Variants in RBFOX1 observed in about 807,000 individuals in gnomAD.
RBFOX1 encodes RNA binding fox-1 homolog 1.
A neutral mutation model predicts 57.7 loss-of-function variants in RBFOX1; 8 were observed. That is an observed-to-expected ratio of 0.14 (90% confidence interval 0.08 to 0.25). The LOEUF is 0.25. Ranked by LOEUF, RBFOX1 falls within the 10% of genes least tolerant of loss-of-function variation. RBFOX1 has a pLI of 1.00. For synonymous variants in RBFOX1, 326 were observed against 222.4 expected, an observed-to-expected ratio of 1.47 and a Z score of -4.15; for missense variants, 611 against 548.5, an observed-to-expected ratio of 1.11 and a Z score of -1.14.
At chr16:5,445,763 C>A (rs974373546) in intron 1 of RBFOX1, among the ~76,000 whole-genome samples, 1 of 152,162 alleles carries the variant, frequency 6.6e-6, no homozygotes, top group Non-Finnish European at 1.5e-5. Context: ...GGATCATTGC[C>A]ACTAAATTTT....
intron 2 of RBFOX1, among the ~76,000 whole-genome samples, chr16:6,447,972 A>G (rs2094517735): frequency 9.6e-6 from 1 of 104,372 alleles, no homozygotes; most frequent in African/African-American, 4.0e-5. Context: ...GATATTTCAG[A>G]CAAGAGTCTC....
chr16:6,659,443 C>G (rs191575495), intron 3 of RBFOX1, among the ~76,000 whole-genome samples: 2 of 152,190 alleles, frequency 1.3e-5, no homozygotes, highest in African/African-American at 2.4e-5. Context: ...CTGAACTCAT[C>G]TTTTTACAAT....
chr16:7,651,077 T>G (rs1411075134), intron 11 of RBFOX1, among the ~76,000 whole-genome samples: 1 of 152,102 alleles, frequency 6.6e-6, no homozygotes, highest in Non-Finnish European at 1.5e-5. Flanking sequence ...ATAAAAAAAG[T>G]TAAAAATAAC....
intron 4 of RBFOX1, among the ~76,000 whole-genome samples, chr16:7,483,532 C>T (rs368534179): frequency 1.4e-3 from 217 of 152,262 alleles, no homozygotes; most frequent in African/African-American, 4.7e-3. Context: ...CCAGACCTTT[C>T]CTGGGATGCC....
At position 7,518,217 on chromosome 16, in the gene RBFOX1, C is replaced by T. The variant is rs750747492; in HGVS notation, c.98C>T (p.Pro33Leu). ...TACGCTTCGGCCCAGTTTGCTCCCC[C>T]GCAGAACGGTATCCCCGCGGAATAC... ...QPYASAQFAP[P>L]QNGIPAEYTA... Residue 33 changes from proline to leucine, a missense_variant, in exon 5 of 16, where the codon CCG (proline) becomes CTG (leucine). This residue lies in a region of RBFOX1 where 245 missense variants were observed against 159.1 expected (regional missense o/e 1.54). Coordinates refer to ENST00000550418, the MANE Select transcript of RBFOX1 (RefSeq NM_018723.4). 2 of 1,614,112 alleles carry T rather than the reference C, an allele frequency of 1.2e-6. No individual in the cohort carries two copies. The highest frequency in any genetic ancestry group is 8.5e-7 in the Non-Finnish European group (1 of 1,180,006).
At chr16:7,208,311 C>T (rs2090415017) in intron 4 of RBFOX1, among the ~76,000 whole-genome samples, 1 of 152,162 alleles carries the variant, frequency 6.6e-6, no homozygotes, top group Non-Finnish European at 1.5e-5. Flanking sequence ...TCTTAGTTCA[C>T]TTGTGTTTCA....
intron 2 of RBFOX1, among the ~76,000 whole-genome samples, chr16:6,536,106 T>A (rs1318227774): frequency 6.6e-6 from 1 of 152,198 alleles, no homozygotes; most frequent in Non-Finnish European, 1.5e-5. Flanking sequence ...TACCAATGCT[T>A]AGTAAGTATT....
intron 3 of RBFOX1, among the ~76,000 whole-genome samples, chr16:7,033,971 A>G (rs995232316): frequency 9.2e-5 from 14 of 152,172 alleles, no homozygotes; most frequent in African/African-American, 3.4e-4. Flanking sequence ...CCTGTCTAAA[A>G]TGTCTAAAAT....
At chr16:7,579,105 A>G (rs1342076275) in intron 5 of RBFOX1, among the ~76,000 whole-genome samples, 1 of 152,212 alleles carries the variant, frequency 6.6e-6, no homozygotes, top group Non-Finnish European at 1.5e-5. Flanking sequence ...GCTAATGCAA[A>G]CAAAGTTAAA....
chr16:6,522,337 T>G (rs2096518208), intron 2 of RBFOX1, among the ~76,000 whole-genome samples: 1 of 152,160 alleles, frequency 6.6e-6, no homozygotes, highest in African/African-American at 2.4e-5. Flanking sequence ...TGATATTTGT[T>G]AAAATATTGA....
chr16:5,610,154 G>A (rs2047723952), intron 3 of RBFOX1: 2 of 152,130 alleles, frequency 1.3e-5, no homozygotes, highest in African/African-American at 2.4e-5. Context: ...TATGCCAGCA[G>A]TCTGTCCCGT....
chr16:6,860,970 G>A (rs191609023), intron 3 of RBFOX1, among the ~76,000 whole-genome samples: 2 of 152,054 alleles, frequency 1.3e-5, no homozygotes, highest in African/African-American at 4.8e-5. Flanking sequence ...ATGGTAAAAC[G>A]AGATAGAGCT....
chr16:5,893,001 C>T (rs1242273608), intron 4 of RBFOX1, among the ~76,000 whole-genome samples: 1 of 152,164 alleles, frequency 6.6e-6, no homozygotes, highest in Non-Finnish European at 1.5e-5. Flanking sequence ...CAAAAAATTT[C>T]TGGTGAGGAA....
intron 2 of RBFOX1, among the ~76,000 whole-genome samples, chr16:5,503,432 T>C (rs8043934): frequency 0.082 from 12,511 of 152,276 alleles, 1,186 homozygotes; most frequent in African/African-American, 0.23. Flanking sequence ...CTGGTTTCTT[T>C]CTTTGTTTTG....
intron 3 of RBFOX1, among the ~76,000 whole-genome samples, chr16:6,997,681 T>C (rs1361886118): frequency 6.6e-6 from 1 of 152,212 alleles, no homozygotes; most frequent in Non-Finnish European, 1.5e-5. Flanking sequence ...TTCTTGAAAC[T>C]GAACAGAAGA....
intron 3 of RBFOX1, among the ~76,000 whole-genome samples, chr16:5,702,744 A>G (rs1217106583): frequency 6.6e-6 from 1 of 152,174 alleles, no homozygotes; most frequent in Non-Finnish European, 1.5e-5. Context: ...TTTGGGGAAT[A>G]GATTGAGATG....
rs572228523 is a variant in RBFOX1 at position 5,397,543 on chromosome 16, A to G, written c.220-69673A>G. Among the ~76,000 whole-genome samples, 15 of 152,304 alleles carry G rather than the reference A, an allele frequency of 9.8e-5. No individual in the cohort carries two copies. The South Asian group carries it at 3.1e-3, about 32-fold the overall frequency. ...CTGTACCACATTACAGGGCCCTGCT[A>G]AAGACACTGATTAAAGATTGAAAAG... is the stretch of plus-strand genomic sequence containing the variant. On this transcript the variant is annotated intron_variant, in intron 1 of 2. Transcript: ENST00000585867.
chr16:7,270,641 A>G (rs548153550), intron 4 of RBFOX1, among the ~76,000 whole-genome samples: 1 of 152,350 alleles, frequency 6.6e-6, no homozygotes, highest in South Asian at 2.1e-4. Context: ...ATACTAAATC[A>G]GTTGCTATTA....
intron 4 of RBFOX1, among the ~76,000 whole-genome samples, chr16:7,372,200 A>G (rs1409173463): frequency 6.6e-6 from 1 of 152,100 alleles, no homozygotes; most frequent in East Asian, 1.9e-4. Context: ...TCACTTTCTC[A>G]CCATCAGTGC....
Sources: allele counts gnomAD v4.1 joint callset (sites outside exome capture counted in the v4.1 genomes callset), GRCh38; gene constraint gnomAD v4.1.1; regional missense constraint gnomAD v4.1.1; transcripts MANE v1.5; gene names NCBI Gene and HGNC (gene_info 2026-07-23, HGNC 2026-07-21).